The following HDAC9 variants were observed in gnomAD, a reference collection of about 807,000 sequenced individuals.
HDAC9 encodes the protein histone deacetylase 9.
In HDAC9, 41 loss-of-function variants were observed where a neutral mutation model predicts 139.4. The ratio of observed to expected loss-of-function variants is 0.29; its 90% confidence interval spans 0.23 to 0.38. HDAC9 has a LOEUF of 0.38. Among genes scored for constraint, HDAC9 ranks in the 10% least tolerant of loss-of-function variants. HDAC9 has a pLI of 1.00. For missense variants in HDAC9, 1,147 were observed against 1,297.0 expected, an observed-to-expected ratio of 0.88 and a Z score of 1.78; for synonymous variants, 517 against 476.2, an observed-to-expected ratio of 1.09 and a Z score of -1.12.
chr7:18,175,805 C>T (rs986803508), intron 2 of HDAC9, among the ~76,000 whole-genome samples: 18 of 126,586 alleles, frequency 1.4e-4, no homozygotes, highest in Non-Finnish European at 2.2e-4. Context: ...CTTCCTGGCA[C>T]TTGATTATAT....
chr7:18,995,431 C>T (rs1191913672), intron 25 of HDAC9, among the ~76,000 whole-genome samples: 1 of 152,206 alleles, frequency 6.6e-6, no homozygotes, highest in African/African-American at 2.4e-5. Flanking sequence ...TTGGTTTTGC[C>T]TGCGCAGAAT....
chr7:18,810,272 G>T (rs1468698549), intron 17 of HDAC9, among the ~76,000 whole-genome samples: 2 of 151,882 alleles, frequency 1.3e-5, no homozygotes, highest in Non-Finnish European at 2.9e-5. Flanking sequence ...TTGAGCTCAT[G>T]TGCATAATTC....
intron 1 of HDAC9, among the ~76,000 whole-genome samples, chr7:18,126,061 C>A (rs925656752): frequency 1.3e-5 from 2 of 152,146 alleles, no homozygotes; most frequent in Admixed American, 6.5e-5. Context: ...ATGAGAAATT[C>A]TTTCCTATTT....
intron 11 of HDAC9, among the ~76,000 whole-genome samples, chr7:18,665,269 A>G (rs763586073): frequency 3.9e-5 from 6 of 152,144 alleles, no homozygotes; most frequent in Non-Finnish European, 7.4e-5. Context: ...AAACTTAGCA[A>G]CTCTTGAAAA....
chr7:18,803,383 G>T (rs138962741), intron 17 of HDAC9, among the ~76,000 whole-genome samples: 3 of 152,024 alleles, frequency 2.0e-5, no homozygotes, highest in African/African-American at 4.8e-5. Flanking sequence ...ATACTTGCTC[G>T]CTATTTACCA....
chr7:18,255,656 T>C (rs1250064453), intron 2 of HDAC9, among the ~76,000 whole-genome samples: 1 of 127,178 alleles, frequency 7.9e-6, no homozygotes, highest in Non-Finnish European at 1.6e-5. Context: ...GGAGATGGAG[T>C]CTCGCCCTGT....
At chr7:18,543,928 T>C (rs79952469) in intron 2 of HDAC9, among the ~76,000 whole-genome samples, 6,646 of 151,266 alleles carry the variant, frequency 0.044, 507 homozygotes, top group African/African-American at 0.15. Context: ...AGGTTGAGAC[T>C]AGCAGAAGTG....
chr7:18,362,617 G>C (rs537039497), intron 1 of HDAC9, among the ~76,000 whole-genome samples: 33 of 152,200 alleles, frequency 2.2e-4, no homozygotes, highest in African/African-American at 7.7e-4. Context: ...CTGGATTGAT[G>C]AAATTTTTTT....
intron 1 of HDAC9, among the ~76,000 whole-genome samples, chr7:18,487,300 A>G (rs1355275616): frequency 6.6e-6 from 1 of 152,092 alleles, no homozygotes; most frequent in Non-Finnish European, 1.5e-5. Flanking sequence ...GGTAAAATGA[A>G]AAAGAATTTC....
chr7:18,226,277 AATCAGAGAG>A (rs1433126812), intron 2 of HDAC9, among the ~76,000 whole-genome samples: 1 of 152,154 alleles, frequency 6.6e-6, no homozygotes, highest in African/African-American at 2.4e-5. Context: ...TAAACCCCAG[AATCAGAGAG>A]ATGTACCCAT....
chr7:18,598,768 A>T (rs978778283), intron 6 of HDAC9, among the ~76,000 whole-genome samples: 2 of 152,226 alleles, frequency 1.3e-5, no homozygotes, highest in African/African-American at 4.8e-5. Flanking sequence ...AACCAAACTA[A>T]TAAAAAGGTG....
At chr7:18,244,119 G>C (rs773800303) in intron 2 of HDAC9, among the ~76,000 whole-genome samples, 1 of 152,030 alleles carries the variant, frequency 6.6e-6, no homozygotes, top group African/African-American at 2.4e-5. Flanking sequence ...AAAATAAAAC[G>C]AGTAACTTCC....
chr7:18,694,136 A>C lies in HDAC9; in HGVS notation c.1731+27660A>C, dbSNP rs773158919. Among the ~76,000 whole-genome samples, 93 of 152,148 alleles carry C rather than the reference A, an allele frequency of 6.1e-4. 2 individuals are homozygous for C. Among genetic ancestry groups the C allele is most frequent in the Non-Finnish European group, 1.6e-4 (11 of 68,028 alleles). ...GACCAAATGATGACGTTTTTAATTC[A>C]CCCACACCTATGATGACCCAGTAGA... On this transcript the variant is annotated intron_variant, in intron 12 of 25. Transcript: ENST00000686413.
chr7:18,863,945 T>C (rs1798297609), intron 21 of HDAC9, among the ~76,000 whole-genome samples: 1 of 152,214 alleles, frequency 6.6e-6, no homozygotes. Flanking sequence ...GGAGTACAAA[T>C]ATCTCTTTGA....
At chr7:18,474,886 G>C (rs764206710) in intron 1 of HDAC9, among the ~76,000 whole-genome samples, 3 of 152,158 alleles carry the variant, frequency 2.0e-5, no homozygotes, top group Non-Finnish European at 4.4e-5. Context: ...AGAAAGAAAG[G>C]AAAGAAGGAA....
chr7:18,135,999 C>G (rs1785384706), intron 1 of HDAC9, among the ~76,000 whole-genome samples: 4 of 138,932 alleles, frequency 2.9e-5, no homozygotes, highest in African/African-American at 1.2e-4. Context: ...GCCATTCTAA[C>G]TGGTGTGAGA....
chr7:18,301,023 T>A (rs1325043423), intron 1 of HDAC9, among the ~76,000 whole-genome samples: 3 of 152,120 alleles, frequency 2.0e-5, no homozygotes, highest in African/African-American at 7.2e-5. Flanking sequence ...ATTTGTTTCT[T>A]CAAAACTGAA....
intron 12 of HDAC9, among the ~76,000 whole-genome samples, chr7:18,707,239 T>A (rs1207427427): frequency 2.0e-5 from 3 of 152,100 alleles, no homozygotes; most frequent in African/African-American, 7.2e-5. Context: ...AGAAGCTGAG[T>A]GAGATAAACA....
In HDAC9 at chr7:18,966,338, G is replaced by C. The variant is rs1783842946; in HGVS notation, c.3023-9468G>C. On this transcript the variant is annotated intron_variant, in intron 24 of 25. Transcript: ENST00000686413. The stretch of plus-strand genomic sequence containing the variant: ...GTTAAAGGAAGAAATACTCAACATT[G>C]CTGCCACTTGGCACACCAGTCATGG... 3.3e-5 allele frequency among the ~76,000 whole-genome samples: 5 copies of C among 152,176 alleles called. 1 individual carries two copies. The South Asian group carries it at 1.0e-3, about 31-fold the overall frequency.
Sources: allele counts gnomAD v4.1 joint callset (sites outside exome capture counted in the v4.1 genomes callset), GRCh38; gene constraint gnomAD v4.1.1; transcripts MANE v1.5; gene names NCBI Gene and HGNC (gene_info 2026-07-23, HGNC 2026-07-21).